Variants in C1QL3 observed in about 807,000 individuals in gnomAD.
The protein encoded by C1QL3 is complement C1q-like protein 3.
In C1QL3, 4 loss-of-function variants were observed where a neutral mutation model predicts 16.6. The ratio of observed to expected loss-of-function variants is 0.24; its 90% confidence interval spans 0.12 to 0.55. The LOEUF (loss-of-function observed/expected upper bound fraction) is 0.55, where lower values mean the gene tolerates loss of function less well. C1QL3 is among the 20% of genes least tolerant of loss of function. The pLI, the probability that C1QL3 is intolerant of heterozygous loss-of-function variation, is 0.94. For missense variants in C1QL3, 269 were observed against 365.6 expected, an observed-to-expected ratio of 0.74 and a Z score of 2.16; for synonymous variants, 189 against 160.2, an observed-to-expected ratio of 1.18 and a Z score of -1.36.
In C1QL3 at chr10:16,514,252, A is replaced by G. The variant is rs1273513176; in HGVS notation, c.*276T>C. The G allele has an allele frequency of 1.4e-5, 6 of 438,618 alleles. No individual in the cohort carries two copies. Among genetic ancestry groups the G allele is most frequent in the African/African-American group, 2.0e-5 (1 of 49,388 alleles). 27.2% of individuals were successfully genotyped at this position (438,618 alleles called of 1,614,324 possible). A position where few individuals can be genotyped will look rare whatever the true frequency, so the allele number is the denominator to read the frequency against. On this transcript the variant is annotated 3_prime_UTR_variant, in exon 2 of 2. Transcript: ENST00000298943. ...CAATGTCTTAGATTTGTCTATAAAA[A>G]TTTGTGATCTATATAGGACTTCATT... is the stretch of plus-strand genomic sequence containing the variant.
chr10:16,517,321 G>A (rs767159469), intron 1 of C1QL3, among the ~76,000 whole-genome samples: 6 of 152,200 alleles, frequency 3.9e-5, no homozygotes, highest in Non-Finnish European at 8.8e-5. Flanking sequence ...TCTAATAAGC[G>A]AATACCAACC....
At position 16,520,929 on chromosome 10, in the gene C1QL3, G is replaced by T; in HGVS notation, c.137C>A (p.Thr46Lys). The part of the protein sequence containing the change: ...GGTKAPSTAA[T>K]PDRGLMQSLP... ...GGACTGCATGAGGCCGCGGTCGGGC[G>T]TGGCAGCGGTGCTGGGCGCCTTGGT... is the stretch of plus-strand genomic sequence containing the variant. Residue 46 changes from threonine to lysine, a missense_variant, in exon 1 of 2, where the codon ACG becomes AAG. Coordinates refer to ENST00000298943, the MANE Select transcript of C1QL3 (RefSeq NM_001010908.2). The surrounding 1 kb of genome is among the most constrained non-coding windows in gnomAD (Gnocchi z 8.3). The T allele has an allele frequency of 6.4e-7, 1 of 1,565,818 alleles. No individual in the cohort carries two copies. Among genetic ancestry groups the T allele is most frequent in the Non-Finnish European group, 8.6e-7 (1 of 1,164,494 alleles).
chr10:16,521,091 A>G lies in C1QL3; in HGVS notation c.-26T>C. Reference sequence around the variant, plus strand: ...CACCACCCCCAGCGCCCCGGCGGCGATCAGGCGCCTCCTGCTGCCCACCAG... The same window carrying G: ...CACCACCCCCAGCGCCCCGGCGGCGGTCAGGCGCCTCCTGCTGCCCACCAG... On this transcript the variant is annotated 5_prime_UTR_variant, in exon 1 of 2. Coordinates refer to ENST00000298943, the MANE Select transcript of C1QL3 (RefSeq NM_001010908.2). The G allele has an allele frequency of 6.4e-7, 1 of 1,571,496 alleles. No homozygotes were observed. Among genetic ancestry groups the G allele is most frequent in the Non-Finnish European group, 8.6e-7 (1 of 1,162,668 alleles).
At position 16,514,123 on chromosome 10, in the gene C1QL3, G is replaced by A. The variant is rs1836910429; in HGVS notation, c.*405C>T. On this transcript the variant is annotated 3_prime_UTR_variant, in exon 2 of 2. Coordinates refer to ENST00000298943, the MANE Select transcript of C1QL3 (RefSeq NM_001010908.2). ...TCCCCACACTATGAATGGACTCCAAGTATCATAATAAGCAGGTAAACTCAC... is the reference window on the plus strand; with the variant it reads ...TCCCCACACTATGAATGGACTCCAAATATCATAATAAGCAGGTAAACTCAC... 1 of 394,670 alleles carries A rather than the reference G, an allele frequency of 2.5e-6. No homozygotes were observed. Among genetic ancestry groups the A allele is most frequent in the Non-Finnish European group, 4.5e-6 (1 of 223,716 alleles). 24.4% of individuals were successfully genotyped at this position (394,670 alleles called of 1,614,324 possible). A position where few individuals can be genotyped will look rare whatever the true frequency, so the allele number is the denominator to read the frequency against.
chr10:16,514,776 G>T, intron 1 of C1QL3, 69 bp from the exon 2 acceptor site: 1 of 1,196,406 alleles, frequency 8.4e-7, no homozygotes, highest in South Asian at 1.4e-5. Flanking sequence ...TGCCATTCAT[G>T]TAGCATCACA....
chr10:16,515,460 T>G (rs1470808728), intron 1 of C1QL3, among the ~76,000 whole-genome samples: 1 of 152,140 alleles, frequency 6.6e-6, no homozygotes, highest in Non-Finnish European at 1.5e-5. Flanking sequence ...AGGACTAAAT[T>G]TTCATGCTCT....
In C1QL3 at chr10:16,520,714, C is replaced by G; in HGVS notation, c.352G>C (p.Ala118Pro). Residue 118 changes from alanine to proline, a missense_variant, in exon 1 of 2, where the codon GCC becomes CCC. This residue lies in a region of C1QL3 where 246 missense variants were observed against 297.2 expected (regional missense o/e 0.83). Transcript: ENST00000298943. The surrounding 1 kb of genome is among the most constrained non-coding windows in gnomAD (Gnocchi z 8.3). ...TTGGGCACCGTGCTGTAGGTGGCGGCGCTGATGGCCCCGGCCGCGTTCAGG... is the reference window on the plus strand; with the variant it reads ...TTGGGCACCGTGCTGTAGGTGGCGGGGCTGATGGCCCCGGCCGCGTTCAGG... Reference protein sequence around the residue: ...PGLNAAGAISAATYSTVPKIA... With the variant: ...PGLNAAGAISPATYSTVPKIA... The G allele has an allele frequency of 3.2e-6, 5 of 1,561,052 alleles. No individual in the cohort carries two copies. The highest frequency in any genetic ancestry group is 4.3e-6 in the Non-Finnish European group (5 of 1,152,846).
intron 1 of C1QL3, among the ~76,000 whole-genome samples, chr10:16,518,095 T>C (rs1469322113): frequency 6.6e-6 from 1 of 152,168 alleles, no homozygotes; most frequent in Non-Finnish European, 1.5e-5. Context: ...AAAAATTAAG[T>C]CAGCTCAGAG....
chr10:16,519,659 G>T (rs1837008561), intron 1 of C1QL3, among the ~76,000 whole-genome samples: 1 of 152,116 alleles, frequency 6.6e-6, no homozygotes, highest in Non-Finnish European at 1.5e-5. Flanking sequence ...CTCTTGGCCG[G>T]CTGGTCCAGA....
intron 1 of C1QL3, among the ~76,000 whole-genome samples, chr10:16,519,151 T>TTTTTTTTG (rs1836998504): frequency 7.1e-6 from 1 of 140,828 alleles, no homozygotes; most frequent in Non-Finnish European, 1.5e-5. Context: ...TTTTTTTTTT[T>TTTTTTTTG]TTTTTTTGGT....
chr10:16,520,449 C>T lies in C1QL3; in HGVS notation c.588+29G>A, dbSNP rs367914896. 8.1e-7 allele frequency: 1 copy of T among 1,229,458 alleles called. No homozygotes were observed. The highest frequency in any genetic ancestry group is 1.1e-6 in the Non-Finnish European group (1 of 871,358). The allele number at this position is 1,229,458 out of a possible 1,614,324, so 76.2% of individuals were successfully genotyped here. The stretch of plus-strand genomic sequence containing the variant: ...CCCGCACCTTCCCGCGCTCCCTCCC[C>T]GCCCTCCCCGCCGCCCGCCCGCGCT... On this transcript the variant is annotated intron_variant, in intron 1 of 1. Transcript: ENST00000298943. The surrounding 1 kb of genome is among the most constrained non-coding windows in gnomAD (Gnocchi z 8.3).
At position 16,517,462 on chromosome 10, in the gene C1QL3, G is replaced by C. The variant is rs1564417498; in HGVS notation, c.589-2755C>G. Among the ~76,000 whole-genome samples the C allele has an allele frequency of 2.0e-5, 3 of 152,078 alleles. 1 individual carries two copies. Among genetic ancestry groups the C allele is most frequent in the Admixed American group, 2.0e-4 (3 of 15,250 alleles). On this transcript the variant is annotated intron_variant, in intron 1 of 1. Coordinates refer to ENST00000298943, the MANE Select transcript of C1QL3 (RefSeq NM_001010908.2). Reference sequence around the variant, plus strand: ...TGAAACAGTATTAGTTTTCATTCGAGTGGCTTATTTATTATAGTGGCATTA... The same window carrying C: ...TGAAACAGTATTAGTTTTCATTCGACTGGCTTATTTATTATAGTGGCATTA...
rs1836915944 is a variant in C1QL3, at chr10:16,514,398, A to G, written c.*130T>C. 3 of 698,726 alleles carry G rather than the reference A, an allele frequency of 4.3e-6. No homozygotes were observed. The highest frequency in any genetic ancestry group is 7.4e-6 in the Non-Finnish European group (3 of 404,764). 43.3% of individuals were successfully genotyped at this position (698,726 alleles called of 1,614,324 possible). ...GTGATACAGATGTGAGTCAGGTAGCATTTGATTTCCCCACATATACACAAC... is the reference window on the plus strand; with the variant it reads ...GTGATACAGATGTGAGTCAGGTAGCGTTTGATTTCCCCACATATACACAAC... On this transcript the variant is annotated 3_prime_UTR_variant, in exon 2 of 2. Coordinates refer to ENST00000298943, the MANE Select transcript of C1QL3 (RefSeq NM_001010908.2).
At chr10:16,514,873 T>C (rs1375078376) in intron 1 of C1QL3, among the ~76,000 whole-genome samples, 166 bp from the exon 2 acceptor site, 1 of 152,206 alleles carries the variant, frequency 6.6e-6, no homozygotes, top group Non-Finnish European at 1.5e-5. Context: ...TGTGGCAGTT[T>C]CCGCTACGTT....
In C1QL3 at chr10:16,521,307, G is replaced by A. The variant is rs1347397348; in HGVS notation, c.-242C>T. ...GCTGGGGAGGGAGCGCGGGCGCCCA[G>A]TGACTTGAGCCGAAGTCCCGAGCCC... On this transcript the variant is annotated 5_prime_UTR_variant, in exon 1 of 2. Coordinates refer to ENST00000298943, the MANE Select transcript of C1QL3 (RefSeq NM_001010908.2). 2.1e-6 allele frequency: 1 copy of A among 467,504 alleles called. No homozygotes were observed. Among genetic ancestry groups the A allele is most frequent in the African/African-American group, 2.1e-5 (1 of 48,190 alleles). The allele number at this position is 467,504 out of a possible 1,614,324, so 29.0% of individuals were successfully genotyped here.
At chr10:16,518,280 T>C (rs1370411430) in intron 1 of C1QL3, among the ~76,000 whole-genome samples, 2 of 152,244 alleles carry the variant, frequency 1.3e-5, no homozygotes, top group Non-Finnish European at 2.9e-5. Flanking sequence ...ACTGTAGTAG[T>C]GTAGTAACCA....
chr10:16,520,612 G>C lies in C1QL3; in HGVS notation c.454C>G (p.Leu152Val), dbSNP rs1375140497. 1.1e-5 allele frequency: 18 copies of C among 1,613,668 alleles called. No homozygotes were observed. Among genetic ancestry groups the C allele is most frequent in the Non-Finnish European group, 1.4e-5 (17 of 1,179,834 alleles). Residue 152 changes from leucine to valine, a missense_variant, in exon 1 of 2, where the codon CTC becomes GTC. Leu to Val is a conservative substitution (Grantham distance 32). Transcript: ENST00000298943. The surrounding 1 kb of genome is among the most constrained non-coding windows in gnomAD (Gnocchi z 8.3). ...GTGGTGGGGTCGTAGTGGTTTCCGA[G>C]GTTGGTGACCACGTCGTCGAACTTG... Reference protein sequence around the residue: ...VLKFDDVVTNLGNHYDPTTGK... With the variant: ...VLKFDDVVTNVGNHYDPTTGK...
chr10:16,520,351 C>T lies in C1QL3; in HGVS notation c.588+127G>A. The T allele has an allele frequency of 1.4e-6, 1 of 736,910 alleles. No individual in the cohort carries two copies. The highest frequency in any genetic ancestry group is 2.1e-6 in the Non-Finnish European group (1 of 466,750). 45.6% of individuals were successfully genotyped at this position (736,910 alleles called of 1,614,324 possible). A position where few individuals can be genotyped will look rare whatever the true frequency, so the allele number is the denominator to read the frequency against. ...GGGACGGCGTCCCCCCTTGCCGTCG[C>T]TCCAGGGAGCCCGGCCGCCGCGCCC... On this transcript the variant is annotated intron_variant, in intron 1 of 1. Coordinates refer to ENST00000298943, the MANE Select transcript of C1QL3 (RefSeq NM_001010908.2). This position sits in a 1 kb window ranked among gnomAD's most constrained non-coding sequence, Gnocchi z 8.3.
At chr10:16,515,987 T>C (rs1356621298) in intron 1 of C1QL3, among the ~76,000 whole-genome samples, 1 of 152,154 alleles carries the variant, frequency 6.6e-6, no homozygotes, top group African/African-American at 2.4e-5. Flanking sequence ...AAAATTTAAA[T>C]GATGAGTTTT....
Sources: allele counts gnomAD v4.1 joint callset (sites outside exome capture counted in the v4.1 genomes callset), GRCh38; gene constraint gnomAD v4.1.1; regional missense constraint gnomAD v4.1.1; non-coding constraint Gnocchi (gnomAD v3.1); transcripts MANE v1.5; gene names NCBI Gene and HGNC (gene_info 2026-07-23, HGNC 2026-07-21).